HPS5: variants seen among roughly 807,000 people sequenced by gnomAD.
HPS5 encodes the protein BLOC-2 complex member HPS5.
HPS5 carries 83 observed loss-of-function variants against 128.0 expected under a neutral mutation model. That is an observed-to-expected ratio of 0.65 (90% CI 0.54 to 0.78). HPS5 has a LOEUF of 0.78. Among genes scored for constraint, HPS5 ranks in the 30% least tolerant of loss-of-function variants. HPS5 has a pLI of 0.00. For missense variants in HPS5, 1,281 were observed against 1,326.2 expected (o/e 0.97, Z 0.53); for synonymous variants, 475 against 470.2 (o/e 1.01, Z -0.13).
chr11:18,292,660 A>G lies in HPS5; in HGVS notation c.1862+239T>C, dbSNP rs560213950. Among the ~76,000 whole-genome samples the G allele has an allele frequency of 3.9e-5, 6 of 152,338 alleles. No homozygotes were observed. In the South Asian group the frequency reaches 1.2e-3, roughly 32 times the overall value. On this transcript the variant is annotated intron_variant, in intron 15 of 22. Transcript: ENST00000349215. ...TAGGAATACTGGAAGTCAAATACCA[A>G]AAAATTAACATGAAGAAAATCTTAT...
chr11:18,312,829 C>A (rs1863166344), intron 2 of HPS5, among the ~76,000 whole-genome samples: 1 of 152,140 alleles, frequency 6.6e-6, no homozygotes, highest in African/African-American at 2.4e-5. Context: ...AATGGTAGAA[C>A]AGGAAAAATG....
rs747850451 is a variant in HPS5, at chr11:18,282,084, C to T, written c.3195G>A (p.Val1065=). ...CCATGGCCTTAGCTAACAGAAGTGC[C>T]ACATTCTCCACATTGATGGGGGAAG... ...DGPSPINVEN[V]ALLLAKAMGP... Residue 1065 remains valine, a synonymous_variant, in exon 22 of 23, where the codon GTG becomes GTA. Transcript: ENST00000349215. The T allele has an allele frequency of 1.9e-6, 3 of 1,614,200 alleles. No individual in the cohort carries two copies. The highest frequency in any genetic ancestry group is 2.5e-6 in the Non-Finnish European group (3 of 1,180,032).
chr11:18,286,706 A>T lies in HPS5; in HGVS notation c.2722T>A (p.Ser908Thr), dbSNP rs1371252666. The change falls in exon 19 of 23, where the codon TCT becomes ACT. Residue 908 changes from serine (S) to threonine (T), a missense_variant. Physicochemically the swap from Ser to Thr is moderately conservative, Grantham distance 58 (BLOSUM62 1). Transcript: ENST00000349215. ...GGTTGCAGAAGGGACTCAAGAAAAGATGACCTAAGAGAAAGTTGGGGAAAA... is the reference window on the plus strand; with the variant it reads ...GGTTGCAGAAGGGACTCAAGAAAAGTTGACCTAAGAGAAAGTTGGGGAAAA... ...VKSRPEDQRSSFLESLLQPES... is the reference protein window; with the variant it reads ...VKSRPEDQRSTFLESLLQPES... The T allele has an allele frequency of 3.1e-6, 5 of 1,613,918 alleles. No individual in the cohort carries two copies. The African/African-American group carries it at 6.7e-5, about 22-fold the overall frequency.
chr11:18,294,604 A>G (rs1860825854), intron 14 of HPS5, among the ~76,000 whole-genome samples: 1 of 152,204 alleles, frequency 6.6e-6, no homozygotes, highest in Non-Finnish European at 1.5e-5. Flanking sequence ...ACTCTGCTCA[A>G]TAGATCTGCT....
rs1443704567 is a variant in HPS5, at chr11:18,279,945, G to A, written c.3330-3C>T. 13 of 1,613,994 alleles carry A rather than the reference G, an allele frequency of 8.1e-6. No individual in the cohort carries two copies. The South Asian group carries it at 8.8e-5, about 11-fold the overall frequency. ...CAAGCATGCTTTGTATCAAGGCCCT[G>A]AAATCCCAAAGAAAAGAAACAAGCA... On this transcript the variant is annotated splice_region_variant and splice_polypyrimidine_tract_variant and intron_variant, in intron 22 of 22. Transcript: ENST00000349215.
intron 2 of HPS5, chr11:18,314,545 A>G (rs1156731707): frequency 6.6e-6 from 1 of 152,140 alleles, no homozygotes; most frequent in Non-Finnish European, 1.5e-5. Flanking sequence ...AAATAAATAA[A>G]TAAATAAATA....
intron 8 of HPS5, 112 bp downstream of exon 8, chr11:18,305,310 A>C: frequency 1.4e-6 from 1 of 709,870 alleles, no homozygotes. Flanking sequence ...CTAACTTTCT[A>C]TAAGTAATTT....
rs1387178741 is a variant in HPS5 at position 18,297,112 on chromosome 11, CA to C, written c.1324-129del. 8.4e-6 allele frequency: 6 copies of C among 712,624 alleles called. No homozygotes were observed. In the Admixed American group the frequency reaches 1.2e-4, roughly 14 times the overall value. 44.1% of individuals were successfully genotyped at this position (712,624 alleles called of 1,614,324 possible). ...TAACAACCATTATGGCTTATTAGAACAAACTGATGAGCAAGGCTTAGGTGCC... is the reference window on the plus strand; with the variant it reads ...TAACAACCATTATGGCTTATTAGAACAACTGATGAGCAAGGCTTAGGTGCC... On this transcript the variant is annotated intron_variant, in intron 11 of 22. Coordinates refer to ENST00000349215, the MANE Select transcript of HPS5 (RefSeq NM_181507.2).
At chr11:18,282,276 C>T (rs1859086253) in intron 21 of HPS5, 56 bp from the exon 22 acceptor site, 2 of 1,594,356 alleles carry the variant, frequency 1.3e-6, no homozygotes, top group Non-Finnish European at 1.7e-6. Context: ...TGACTGGATA[C>T]AGGAGATGGT....
At chr11:18,286,740 A>C (rs779063791) in intron 18 of HPS5, 30 bp from the exon 19 acceptor site, 10 of 1,612,992 alleles carry the variant, frequency 6.2e-6, no homozygotes, top group Non-Finnish European at 8.5e-6. Flanking sequence ...AAAAGTCACC[A>C]ATCTTCATGC....
intron 1 of HPS5, among the ~76,000 whole-genome samples, chr11:18,320,794 C>CTT (rs1864227746): frequency 1.3e-5 from 2 of 152,196 alleles, no homozygotes; most frequent in Admixed American, 1.3e-4. Context: ...GAAACACTAA[C>CTT]TTCCTGGATC....
intron 9 of HPS5, among the ~76,000 whole-genome samples, chr11:18,300,242 T>G (rs1861536435): frequency 6.6e-6 from 1 of 152,072 alleles, no homozygotes; most frequent in Non-Finnish European, 1.5e-5. Context: ...GGTACATATT[T>G]ATGTACCCCA....
intron 16 of HPS5, among the ~76,000 whole-genome samples, chr11:18,289,991 C>A (rs1317530856): frequency 6.6e-6 from 1 of 152,212 alleles, no homozygotes; most frequent in Admixed American, 6.5e-5. Flanking sequence ...TTCTTTTCCT[C>A]CTGGACAGGT....
chr11:18,318,775 T>A (rs1038249655), intron 1 of HPS5, among the ~76,000 whole-genome samples: 1 of 152,248 alleles, frequency 6.6e-6, no homozygotes, highest in Non-Finnish European at 1.5e-5. Context: ...ATTCTTGTTG[T>A]TTGTTCATGC....
intron 16 of HPS5, among the ~76,000 whole-genome samples, chr11:18,289,611 A>G (rs559252510): frequency 2.0e-5 from 3 of 152,208 alleles, no homozygotes; most frequent in Non-Finnish European, 4.4e-5. Context: ...TTTAACTGCT[A>G]TATTTGAATT....
At chr11:18,306,024 G>C in intron 7 of HPS5, 111 bp downstream of exon 7, 1 of 860,684 alleles carries the variant, frequency 1.2e-6, no homozygotes, top group Non-Finnish European at 1.9e-6. Flanking sequence ...GTGCCAACAC[G>C]CCCAGCCAGG....
At chr11:18,296,180 A>G in intron 12 of HPS5, 58 bp from the exon 13 acceptor site, 1 of 1,563,174 alleles carries the variant, frequency 6.4e-7, no homozygotes, top group South Asian at 1.1e-5. Context: ...GAGTTGTTTT[A>G]ATCTTTAAAA....
Position 18,285,458 on chromosome 11 carries a change from G to A in HPS5, c.2839C>T (p.Pro947Ser). Residue 947 changes from proline (P) to serine (S), a missense_variant and splice_region_variant, in exon 20 of 23, where the codon CCT becomes TCT. By Grantham distance (74) the Pro-to-Ser change is moderately conservative. Transcript: ENST00000349215. The part of the protein sequence containing the change: ...STMDDEGYPR[P>S]HSHLLSWGYS... ...CCCCAGGAAAGCAAGTGTGAATGAG[G>A]CCTATGAAATGAAAAGGAATCAGTA... 2 of 1,592,822 alleles carry A rather than the reference G, an allele frequency of 1.3e-6. No homozygotes were observed. Among genetic ancestry groups the A allele is most frequent in the Non-Finnish European group, 1.7e-6 (2 of 1,160,884 alleles).
At chr11:18,299,009 C>G in intron 9 of HPS5, 39 bp from the exon 10 acceptor site, 2 of 1,571,122 alleles carry the variant, frequency 1.3e-6, no homozygotes, top group African/African-American at 1.3e-5. Context: ...AAATGTTAAC[C>G]AAATACCCCT....
Sources: allele counts gnomAD v4.1 joint callset (sites outside exome capture counted in the v4.1 genomes callset), GRCh38; gene constraint gnomAD v4.1.1; transcripts MANE v1.5; gene names NCBI Gene and HGNC (gene_info 2026-07-23, HGNC 2026-07-21).